ARHGAP24: variants seen among roughly 807,000 people sequenced by gnomAD.
The protein encoded by ARHGAP24 is rho GTPase-activating protein 24.
In ARHGAP24, 50 loss-of-function variants were observed where a neutral mutation model predicts 76.4. That is an observed-to-expected ratio of 0.65 (90% CI 0.52 to 0.83). The LOEUF (loss-of-function observed/expected upper bound fraction) is 0.83, where lower values mean the gene tolerates loss of function less well. Ranked by LOEUF, ARHGAP24 falls within the 40% of genes least tolerant of loss-of-function variation. The pLI, the probability that ARHGAP24 is intolerant of heterozygous loss-of-function variation, is 0.00. For synonymous variants in ARHGAP24, 345 were observed against 323.3 expected (o/e 1.07, Z -0.72); for missense variants, 930 against 914.2 (o/e 1.02, Z -0.22).
chr4:85,921,233 G>A (rs1212835780), intron 3 of ARHGAP24, among the ~76,000 whole-genome samples: 2 of 152,056 alleles, frequency 1.3e-5, no homozygotes, highest in Non-Finnish European at 2.9e-5. Flanking sequence ...TCTTTGCAGG[G>A]ACATGAATGG....
chr4:85,682,255 T>C (rs1161126221), intron 2 of ARHGAP24, among the ~76,000 whole-genome samples: 1 of 152,218 alleles, frequency 6.6e-6, no homozygotes, highest in Admixed American at 6.5e-5. Flanking sequence ...AATTCTTGAT[T>C]ATTTATATTG....
At chr4:85,489,878 A>C (rs72654051) in intron 1 of ARHGAP24, among the ~76,000 whole-genome samples, 16,940 of 152,156 alleles carry the variant, frequency 0.11, 1,162 homozygotes, top group Non-Finnish European at 0.15. Context: ...AGCAATAATA[A>C]TAGTGGCATG....
Position 86,002,372 on chromosome 4 carries a change from A to G in ARHGAP24, c.*1650A>G, listed in dbSNP as rs1741063469. The stretch of plus-strand genomic sequence containing the variant: ...TTAATTCCCTTTTCTCTCTCTTTCC[A>G]ATTATTTAACCAGTTACTTCCACCT... On this transcript the variant is annotated 3_prime_UTR_variant, in exon 10 of 10. Coordinates refer to ENST00000395184, the MANE Select transcript of ARHGAP24 (RefSeq NM_001025616.3). 1 of 152,194 alleles carries G rather than the reference A, an allele frequency of 6.6e-6. No homozygotes were observed. Among genetic ancestry groups the G allele is most frequent in the South Asian group, 2.1e-4 (1 of 4,814 alleles). 9.4% of individuals were successfully genotyped at this position (152,194 alleles called of 1,614,324 possible).
At chr4:85,628,019 G>A (rs187855887) in intron 2 of ARHGAP24, among the ~76,000 whole-genome samples, 12 of 152,266 alleles carry the variant, frequency 7.9e-5, no homozygotes, top group South Asian at 4.1e-4. Flanking sequence ...GACCCCTTGC[G>A]CTTCCCAGGT....
Position 85,503,972 on chromosome 4 carries a change from T to G in ARHGAP24, c.-21+28413T>G, listed in dbSNP as rs891646607. On this transcript the variant is annotated intron_variant, in intron 1 of 9. Transcript: ENST00000395184. ...TTTATTTCTGCCTTCATTTAGTTAT[T>G]TACCCAGTAGTCATTCAGGAGCAGG... 4.6e-5 allele frequency among the ~76,000 whole-genome samples: 7 copies of G among 152,298 alleles called. No homozygotes were observed. In the South Asian group the frequency reaches 6.2e-4, roughly 14 times the overall value.
chr4:85,476,231 C>G (rs1722592719), intron 1 of ARHGAP24, among the ~76,000 whole-genome samples: 1 of 151,824 alleles, frequency 6.6e-6, no homozygotes, highest in South Asian at 2.1e-4. Flanking sequence ...TTAGAAAATA[C>G]TTAAGACTAC....
chr4:85,489,363 G>A (rs1319017009), intron 1 of ARHGAP24, among the ~76,000 whole-genome samples: 1 of 152,214 alleles, frequency 6.6e-6, no homozygotes, highest in Non-Finnish European at 1.5e-5. Flanking sequence ...TCTGTGCAGG[G>A]CTTTTATTAT....
At chr4:85,869,590 C>G (rs1732410360) in intron 3 of ARHGAP24, among the ~76,000 whole-genome samples, 1 of 152,120 alleles carries the variant, frequency 6.6e-6, no homozygotes, top group African/African-American at 2.4e-5. Context: ...TATTTTGACA[C>G]CTACCTGATG....
chr4:85,810,121 G>T (rs1728949244), intron 3 of ARHGAP24, among the ~76,000 whole-genome samples: 1 of 152,178 alleles, frequency 6.6e-6, no homozygotes, highest in East Asian at 1.9e-4. Context: ...ATAAATGCTA[G>T]ATGTTACACA....
chr4:85,720,575 CAG>C (rs1334149930), intron 2 of ARHGAP24, among the ~76,000 whole-genome samples: 1 of 152,084 alleles, frequency 6.6e-6, no homozygotes, highest in East Asian at 1.9e-4. Flanking sequence ...ATCTGAAGCT[CAG>C]AGTGTCCTAG....
chr4:85,812,174 T>C (rs1429267256), intron 3 of ARHGAP24, among the ~76,000 whole-genome samples: 2 of 152,084 alleles, frequency 1.3e-5, no homozygotes, highest in Non-Finnish European at 2.9e-5. Flanking sequence ...AGACTCCATC[T>C]CAAAAATAAA....
At chr4:85,920,185 G>A (rs1330960137) in intron 3 of ARHGAP24, among the ~76,000 whole-genome samples, 1 of 152,098 alleles carries the variant, frequency 6.6e-6, no homozygotes, top group Non-Finnish European at 1.5e-5. Flanking sequence ...ATAGGTAAGG[G>A]TGAGAGACAA....
At chr4:85,786,653 C>CAG (rs1175803825) in intron 3 of ARHGAP24, among the ~76,000 whole-genome samples, 6 of 152,218 alleles carry the variant, frequency 3.9e-5, no homozygotes, top group Non-Finnish European at 8.8e-5. Context: ...CTTATGAACA[C>CAG]ACACACACAG....
chr4:85,787,041 GCA>G (rs1293487628), intron 3 of ARHGAP24, among the ~76,000 whole-genome samples: 2 of 152,162 alleles, frequency 1.3e-5, no homozygotes, highest in African/African-American at 4.8e-5. Context: ...ATTTGTCTGA[GCA>G]CAGTGTTTCA....
intron 2 of ARHGAP24, among the ~76,000 whole-genome samples, chr4:85,670,580 C>T (rs1051027803): frequency 2.0e-5 from 3 of 152,226 alleles, no homozygotes; most frequent in South Asian, 4.1e-4. Context: ...ATGGTGTCAC[C>T]ACACCAGAAA....
chr4:85,785,888 G>A (rs1727816545), intron 3 of ARHGAP24, among the ~76,000 whole-genome samples: 1 of 152,098 alleles, frequency 6.6e-6, no homozygotes, highest in Non-Finnish European at 1.5e-5. Context: ...GTCACTTTGG[G>A]AAGATAAAGT....
chr4:85,521,324 T>A (rs1046713514), intron 1 of ARHGAP24, among the ~76,000 whole-genome samples: 1 of 113,760 alleles, frequency 8.8e-6, no homozygotes, highest in Non-Finnish European at 2.0e-5. Flanking sequence ...AAGGAGGCAC[T>A]GAAAGTTACA....
intron 3 of ARHGAP24, among the ~76,000 whole-genome samples, chr4:85,770,677 G>C (rs574776838): frequency 5.9e-5 from 9 of 152,182 alleles, no homozygotes; most frequent in African/African-American, 1.9e-4. Flanking sequence ...TTATATAGGA[G>C]AAAACAAAGT....
intron 5 of ARHGAP24, among the ~76,000 whole-genome samples, chr4:85,964,766 A>G (rs998512562): frequency 3.9e-5 from 6 of 152,126 alleles, no homozygotes; most frequent in Admixed American, 6.5e-5. Context: ...GATTGCTCAA[A>G]GTAATCTCTA....
Sources: allele counts gnomAD v4.1 joint callset (sites outside exome capture counted in the v4.1 genomes callset), GRCh38; gene constraint gnomAD v4.1.1; transcripts MANE v1.5; gene names NCBI Gene and HGNC (gene_info 2026-07-23, HGNC 2026-07-21).